Variants in ST7 observed in about 807,000 individuals in gnomAD.
ST7 encodes the protein suppression of tumorigenicity 7, also known as suppressor of tumorigenicity 7 protein.
In ST7, 28 loss-of-function variants were observed where a neutral mutation model predicts 78.7. The ratio of observed to expected loss-of-function variants is 0.36; its 90% CI spans 0.26 to 0.49. The LOEUF (loss-of-function observed/expected upper bound fraction) is 0.49, where lower values mean the gene tolerates loss of function less well. ST7 is among the 20% of genes least tolerant of loss of function. The probability of loss-of-function intolerance (pLI) is 0.99; values close to 1 mark genes in which losing one functional copy is unlikely to be tolerated. For missense variants in ST7, 418 were observed against 696.0 expected, an observed-to-expected ratio of 0.60 and a Z score of 4.49; for synonymous variants, 247 against 249.6, an observed-to-expected ratio of 0.99 and a Z score of 0.10.
chr7:117,152,986 A>T (rs1563125461), intron 9 of ST7, among the ~76,000 whole-genome samples: 1 of 152,096 alleles, frequency 6.6e-6, no homozygotes, highest in Non-Finnish European at 1.5e-5. Context: ...TTCTGGGTTT[A>T]ATTTAGTGGG....
At chr7:117,187,049 C>T (rs1809326080) in intron 10 of ST7, among the ~76,000 whole-genome samples, 1 of 152,168 alleles carries the variant, frequency 6.6e-6, no homozygotes, top group Admixed American at 6.5e-5. Flanking sequence ...ATTTGAACAA[C>T]AAGATGCTCT....
rs1793698658 is a variant in ST7, at chr7:117,230,173, T to C, written c.*316T>C. ...TCCCAAATAAACCTTTGGATTTACC[T>C]TGAGTTTCCTGGGAACCTGGATCTA... is the stretch of plus-strand genomic sequence containing the variant. On this transcript the variant is annotated 3_prime_UTR_variant, in exon 16 of 16. Coordinates refer to ENST00000323984, the MANE Select transcript of ST7 (RefSeq NM_001369598.1). The C allele has an allele frequency of 4.5e-6, 2 of 444,204 alleles. No individual in the cohort carries two copies. The highest frequency in any genetic ancestry group is 6.4e-5 in the Admixed American group (2 of 31,402). The allele number at this position is 444,204 out of a possible 1,614,324, so 27.5% of individuals were successfully genotyped here.
intron 12 of ST7, among the ~76,000 whole-genome samples, chr7:117,202,855 T>G (rs1811003840): frequency 1.3e-5 from 2 of 151,334 alleles, no homozygotes; most frequent in Admixed American, 1.3e-4. Context: ...GCTTCACAGA[T>G]TCTAAGTGTT....
intron 1 of ST7, among the ~76,000 whole-genome samples, chr7:117,028,482 C>G (rs1731962222): frequency 1.3e-5 from 2 of 152,076 alleles, no homozygotes; most frequent in Admixed American, 1.3e-4. Flanking sequence ...CTGGCTTCTT[C>G]TAGAACACCT....
intron 9 of ST7, among the ~76,000 whole-genome samples, chr7:117,148,764 C>T (rs548734747): frequency 6.6e-6 from 1 of 152,292 alleles, no homozygotes; most frequent in East Asian, 1.9e-4. Context: ...CTGCTTCCCA[C>T]CCTAAATCAG....
intron 1 of ST7, among the ~76,000 whole-genome samples, chr7:116,958,041 C>T (rs920923680): frequency 2.0e-5 from 3 of 152,158 alleles, no homozygotes; most frequent in African/African-American, 7.2e-5. Flanking sequence ...GGCTGGAGTG[C>T]AGTGGTGCAG....
At chr7:116,976,214 A>G (rs980563533) in intron 1 of ST7, among the ~76,000 whole-genome samples, 1 of 152,172 alleles carries the variant, frequency 6.6e-6, no homozygotes, top group African/African-American at 2.4e-5. Flanking sequence ...CAGTGAGCCG[A>G]GATCAGGCCA....
At chr7:116,978,259 C>T (rs1019961958) in intron 1 of ST7, among the ~76,000 whole-genome samples, 2 of 152,236 alleles carry the variant, frequency 1.3e-5, no homozygotes, top group Non-Finnish European at 2.9e-5. Context: ...GAAGTTGCTT[C>T]CTGACTTGCA....
chr7:117,062,888 ATTAGTGCC>A (rs1346934224), intron 1 of ST7, among the ~76,000 whole-genome samples: 3 of 152,212 alleles, frequency 2.0e-5, no homozygotes, highest in Admixed American at 6.5e-5. Context: ...AGTTGGAATT[ATTAGTGCC>A]TTAATCCCCC....
intron 9 of ST7, among the ~76,000 whole-genome samples, chr7:117,160,536 C>T (rs995250970): frequency 2.0e-5 from 3 of 147,122 alleles, no homozygotes; most frequent in Non-Finnish European, 2.9e-5. Context: ...CGTGACAATC[C>T]CTTTCATCTC....
chr7:117,074,462 T>G (rs867085640), intron 1 of ST7, among the ~76,000 whole-genome samples: 2 of 152,056 alleles, frequency 1.3e-5, no homozygotes, highest in Non-Finnish European at 2.9e-5. Context: ...AGAGAGTGCT[T>G]TGGCAGTTAG....
intron 14 of ST7, among the ~76,000 whole-genome samples, chr7:117,221,019 C>T (rs1053634751): frequency 1.3e-5 from 2 of 152,094 alleles, no homozygotes; most frequent in African/African-American, 2.4e-5. Flanking sequence ...CTGTTTCTCA[C>T]GTGCAGTTTC....
At chr7:117,028,255 G>A (rs976840105) in intron 1 of ST7, among the ~76,000 whole-genome samples, 1 of 152,142 alleles carries the variant, frequency 6.6e-6, no homozygotes, top group African/African-American at 2.4e-5. Context: ...ATAATCATCA[G>A]TTTATGTACA....
chr7:117,188,415 T>G (rs1346798071), intron 10 of ST7, among the ~76,000 whole-genome samples: 1 of 152,216 alleles, frequency 6.6e-6, no homozygotes, highest in African/African-American at 2.4e-5. Context: ...TTCTGTGTCA[T>G]AGTGTAAATT....
At chr7:116,972,643 CCT>C in intron 1 of ST7, 4 of 1,199,618 alleles carry the variant, frequency 3.3e-6, no homozygotes, top group Non-Finnish European at 4.9e-6. Flanking sequence ...AAACTTCATA[CCT>C]CTCTCACTCT....
intron 15 of ST7, among the ~76,000 whole-genome samples, chr7:117,226,524 A>G (rs1793455693): frequency 6.6e-6 from 1 of 152,204 alleles, no homozygotes; most frequent in Non-Finnish European, 1.5e-5. Context: ...TGGGTCTCCA[A>G]CTAAAAAATA....
chr7:117,227,749 T>A (rs1793539189), intron 15 of ST7, among the ~76,000 whole-genome samples: 1 of 152,178 alleles, frequency 6.6e-6, no homozygotes, highest in South Asian at 2.1e-4. Context: ...TCCAACTGCA[T>A]TCATGGGTGC....
intron 15 of ST7, among the ~76,000 whole-genome samples, chr7:117,227,018 G>A (rs950678447): frequency 6.6e-5 from 10 of 152,326 alleles, no homozygotes; most frequent in African/African-American, 2.4e-4. Flanking sequence ...CAACCAGGAT[G>A]AAGCTTTCCT....
intron 12 of ST7, chr7:117,198,531 T>TA: frequency 1.0e-5 from 3 of 299,566 alleles, no homozygotes; most frequent in South Asian, 8.8e-5. Context: ...CTGCAGCTTG[T>TA]AGCTGCTTGG....
Sources: gnomAD v4.1 joint callset for allele counts (sites outside exome capture counted in the v4.1 genomes callset) on GRCh38, gnomAD v4.1.1 for gene constraint, MANE v1.5 for transcripts, NCBI Gene and HGNC (gene_info 2026-07-23, HGNC 2026-07-21) for gene names.